DDX20: variants seen among roughly 807,000 people sequenced by gnomAD.
DDX20 encodes probable ATP-dependent RNA helicase DDX20.
In DDX20, 61 loss-of-function variants were observed where a neutral mutation model predicts 76.4. That is an observed-to-expected ratio of 0.80 (90% CI 0.65 to 0.99). The LOEUF is 0.99. Among genes scored for constraint, DDX20 ranks in the 50% least tolerant of loss-of-function variants. DDX20 has a pLI of 0.00. For missense variants in DDX20, 976 were observed against 996.8 expected, an observed-to-expected ratio of 0.98 and a Z score of 0.28; for synonymous variants, 357 against 357.4, an observed-to-expected ratio of 1.00 and a Z score of 0.01.
At chr1:111,756,816 C>CTGAGGAGCTA in intron 2 of DDX20, 76 bp downstream of exon 2, 3 of 1,224,732 alleles carry the variant, frequency 2.4e-6, no homozygotes, top group Non-Finnish European at 3.6e-6. Flanking sequence ...ACCAGTAGCT[C>CTGAGGAGCTA]CTCAGAGCTG....
chr1:111,758,334 T>C (rs1240620506), intron 2 of DDX20, among the ~76,000 whole-genome samples: 1 of 151,386 alleles, frequency 6.6e-6, no homozygotes, highest in Non-Finnish European at 1.5e-5. Context: ...TTAACAGTTT[T>C]GGCATGTTTT....
rs1409355793 is a variant in DDX20 at position 111,767,145 on chromosome 1, T to C, written c.*246T>C. The C allele has an allele frequency of 1.7e-4, 55 of 324,318 alleles. 2 individuals are homozygous for C. The East Asian group carries it at 2.8e-3, about 16-fold the overall frequency. The allele number at this position is 324,318 out of a possible 1,614,324, so 20.1% of individuals were successfully genotyped here. ...TTGTTGAAAGATAATTTTTGGGACATAGAGCTGAAAGTTTCAGGGTGCCAT... is the reference window on the plus strand; with the variant it reads ...TTGTTGAAAGATAATTTTTGGGACACAGAGCTGAAAGTTTCAGGGTGCCAT... On this transcript the variant is annotated 3_prime_UTR_variant, in exon 11 of 11. Coordinates refer to ENST00000369702, the MANE Select transcript of DDX20 (RefSeq NM_007204.5).
Position 111,762,267 on chromosome 1 carries a change from A to G in DDX20, c.1034A>G (p.Gln345Arg), listed in dbSNP as rs1436856849. 1.2e-6 allele frequency: 2 copies of G among 1,612,634 alleles called. No individual in the cohort carries two copies. The highest frequency in any genetic ancestry group is 2.7e-5 in the African/African-American group (2 of 74,880). Residue 345 changes from glutamine to arginine, a missense_variant, in exon 8 of 11, where the codon CAG becomes CGG. This residue lies in a region of DDX20 where 630 missense variants were observed against 693.7 expected (regional missense o/e 0.91). Transcript: ENST00000369702. ...PAECISGNMN[Q>R]NQRLDAMAKL... ...GGGGTCCTTTTAGGCAATATGAATCAGAATCAGCGTCTTGATGCTATGGCT... is the reference window on the plus strand; with the variant it reads ...GGGGTCCTTTTAGGCAATATGAATCGGAATCAGCGTCTTGATGCTATGGCT...
Position 111,767,103 on chromosome 1 carries a change from T to TA in DDX20, c.*206dup, listed in dbSNP as rs1183549192. ...TTATCTTCATTTTTAAGAGTTTCTT[T>TA]AAGAAACTTCATCAGATTGTTGAAA... On this transcript the variant is annotated 3_prime_UTR_variant, in exon 11 of 11. Transcript: ENST00000369702. 2 of 401,634 alleles carry TA rather than the reference T, an allele frequency of 5.0e-6. No homozygotes were observed. Among genetic ancestry groups the TA allele is most frequent in the African/African-American group, 4.1e-5 (2 of 48,714 alleles). The allele number at this position is 401,634 out of a possible 1,614,324, so 24.9% of individuals were successfully genotyped here.
At position 111,759,430 on chromosome 1, in the gene DDX20, G is replaced by C; in HGVS notation, c.427G>C (p.Ala143Pro). 6.2e-7 allele frequency: 1 copy of C among 1,609,238 alleles called. No individual in the cohort carries two copies. Among genetic ancestry groups the C allele is most frequent in the Non-Finnish European group, 8.5e-7 (1 of 1,178,338 alleles). The change falls in exon 3 of 11, where the codon GCT becomes CCT. Residue 143 changes from alanine to proline, a missense_variant. Physicochemically the swap from Ala to Pro is conservative, Grantham distance 27. This residue lies in a region of DDX20 where 343 missense variants were observed against 286.4 expected (regional missense o/e 1.20). Coordinates refer to ENST00000369702, the MANE Select transcript of DDX20 (RefSeq NM_007204.5). ...GATCTTGGCTCCTACAAGAGAAATT[G>C]CTGTACAGATACATTCTGTTATTAC... ...ILILAPTREI[A>P]VQIHSVITAI...
At position 111,766,111 on chromosome 1, in the gene DDX20, C is replaced by G; in HGVS notation, c.1687C>G (p.Gln563Glu). 1 of 1,614,154 alleles carries G rather than the reference C, an allele frequency of 6.2e-7. No individual in the cohort carries two copies. Among genetic ancestry groups the G allele is most frequent in the Middle Eastern group, 1.6e-4 (1 of 6,062 alleles). The change falls in exon 11 of 11, where the codon CAG (glutamine) becomes GAG (glutamate). Residue 563 changes from glutamine (Q) to glutamate (E), a missense_variant. By Grantham distance (29) the Gln-to-Glu change is conservative (BLOSUM62 2). This residue lies in a region of DDX20 where 630 missense variants were observed against 693.7 expected (regional missense o/e 0.91). Coordinates refer to ENST00000369702, the MANE Select transcript of DDX20 (RefSeq NM_007204.5). ...PVENSTNSQH[Q>E]VKEALPVSLP... is the part of the protein sequence containing the mutation. The stretch of plus-strand genomic sequence containing the variant: ...TGAAAACTCCACCAACAGTCAGCAC[C>G]AGGTCAAAGAAGCTTTACCTGTGTC...
At position 111,756,757 on chromosome 1, in the gene DDX20, GACCA is replaced by G. The variant is rs1161153993; in HGVS notation, c.396+18_396+21del. 1 of 1,594,432 alleles carries G rather than the reference GACCA, an allele frequency of 6.3e-7. No homozygotes were observed. The highest frequency in any genetic ancestry group is 1.3e-5 in the African/African-American group (1 of 74,634). On this transcript the variant is annotated intron_variant, in intron 2 of 10. Transcript: ENST00000369702. ...AGTACCCAGGTGAGTTAGCTGAGAG[GACCA>G]GAGGAGGATGTGTTTTGTGGACTTT... is the stretch of plus-strand genomic sequence containing the variant.
In DDX20 at chr1:111,767,298, G is replaced by A. The variant is rs1188858847; in HGVS notation, c.*399G>A. 1 of 159,640 alleles carries A rather than the reference G, an allele frequency of 6.3e-6. No individual in the cohort carries two copies. Among genetic ancestry groups the A allele is most frequent in the African/African-American group, 2.4e-5 (1 of 41,508 alleles). 9.9% of individuals were successfully genotyped at this position (159,640 alleles called of 1,614,324 possible). A position where few individuals can be genotyped will look rare whatever the true frequency, so the allele number is the denominator to read the frequency against. On this transcript the variant is annotated 3_prime_UTR_variant, in exon 11 of 11. Coordinates refer to ENST00000369702, the MANE Select transcript of DDX20 (RefSeq NM_007204.5). ...TGTGGAGTTCTTTACAAAGGGCTTA[G>A]GCTGCATTTCCTTCTATAGAGGTGC...
chr1:111,756,633 T>C lies in DDX20; in HGVS notation c.302-13T>C. ...GAGTACTGGCTAGTGATAATTGTTT[T>C]TTTCCTTCGCAGATTTAATTGTTCA... is the stretch of plus-strand genomic sequence containing the variant. On this transcript the variant is annotated splice_polypyrimidine_tract_variant and intron_variant, in intron 1 of 10. Coordinates refer to ENST00000369702, the MANE Select transcript of DDX20 (RefSeq NM_007204.5). The C allele has an allele frequency of 6.2e-7, 1 of 1,613,480 alleles. No individual in the cohort carries two copies. The highest frequency in any genetic ancestry group is 1.1e-5 in the South Asian group (1 of 91,060).
rs772912179 is a variant in DDX20 at position 111,766,475 on chromosome 1, ACT to A, written c.2054_2055del (p.Ser685Ter). ...GGCTCTTCTGATAATCAGCTGAAAG[ACT>A]CTGAATCTACGCCTGTGGATGATCG... On this transcript the variant is annotated frameshift_variant, in exon 11 of 11. Transcript: ENST00000369702. LOFTEE classifies it high-confidence loss of function. The A allele has an allele frequency of 2.5e-6, 4 of 1,613,966 alleles. No homozygotes were observed. The highest frequency in any genetic ancestry group is 1.7e-5 in the Admixed American group (1 of 59,998).
intron 2 of DDX20, among the ~76,000 whole-genome samples, chr1:111,758,297 A>C (rs1557920904): frequency 6.6e-6 from 1 of 151,990 alleles, no homozygotes; most frequent in Admixed American, 6.5e-5. Flanking sequence ...AAAATCTGTA[A>C]TCTTACTACC....
chr1:111,756,684 T>C lies in DDX20; in HGVS notation c.340T>C (p.Cys114Arg). The part of the protein sequence containing the change: ...VQAKSGTGKT[C>R]VFSTIALDSL... Reference sequence around the variant, plus strand: ...AGCTAAATCTGGCACCGGGAAAACCTGTGTGTTCTCCACCATAGCTTTGGA... The same window carrying C: ...AGCTAAATCTGGCACCGGGAAAACCCGTGTGTTCTCCACCATAGCTTTGGA... Residue 114 changes from cysteine to arginine, a missense_variant, in exon 2 of 11, where the codon TGT becomes CGT. Coordinates refer to ENST00000369702, the MANE Select transcript of DDX20 (RefSeq NM_007204.5). 6.2e-7 allele frequency: 1 copy of C among 1,614,186 alleles called. No homozygotes were observed. The highest frequency in any genetic ancestry group is 8.5e-7 in the Non-Finnish European group (1 of 1,180,004).
At chr1:111,763,147 C>T (rs1362112952) in intron 10 of DDX20, 140 bp downstream of exon 10, 7 of 658,152 alleles carry the variant, frequency 1.1e-5, no homozygotes, top group African/African-American at 3.6e-5. Flanking sequence ...TCATTTACTT[C>T]TCACCACACT....
Position 111,760,810 on chromosome 1 carries a change from C to T in DDX20, c.785C>T (p.Thr262Ile), listed in dbSNP as rs1663657882. 6.2e-7 allele frequency: 1 copy of T among 1,613,520 alleles called. No individual in the cohort carries two copies. The highest frequency in any genetic ancestry group is 1.7e-5 in the Admixed American group (1 of 59,922). Residue 262 changes from threonine (T) to isoleucine (I), a missense_variant, in exon 5 of 11, where the codon ACT becomes ATT. Transcript: ENST00000369702. ...TTGACAAAGTACATGAGAGATCCCACTTTTGTAAGACTGAATTCCAGTGAT... is the reference window on the plus strand; with the variant it reads ...TTGACAAAGTACATGAGAGATCCCATTTTTGTAAGACTGAATTCCAGTGAT... Reference protein sequence around the residue: ...NALTKYMRDPTFVRLNSSDPS... With the variant: ...NALTKYMRDPIFVRLNSSDPS...
At position 111,767,517 on chromosome 1, in the gene DDX20, CTT is replaced by C. The variant is rs1663807230; in HGVS notation, c.*621_*622del. On this transcript the variant is annotated 3_prime_UTR_variant, in exon 11 of 11. Coordinates refer to ENST00000369702, the MANE Select transcript of DDX20 (RefSeq NM_007204.5). ...TGTTTGTTGTTTATCTTTTGAATGTCTTTTGAGGCTGTGAAAGCTGTCCACAT... is the reference window on the plus strand; with the variant it reads ...TGTTTGTTGTTTATCTTTTGAATGTCTTGAGGCTGTGAAAGCTGTCCACAT... 6.6e-6 allele frequency: 1 copy of C among 152,248 alleles called. No homozygotes were observed. Among genetic ancestry groups the C allele is most frequent in the East Asian group, 1.9e-4 (1 of 5,180 alleles). 9.4% of individuals were successfully genotyped at this position (152,248 alleles called of 1,614,324 possible).
At chr1:111,762,022 G>A in intron 7 of DDX20, 2 of 429,818 alleles carry the variant, frequency 4.7e-6, no homozygotes, top group Non-Finnish European at 8.3e-6. Flanking sequence ...TTCAGGCATG[G>A]CCTGATCACT....
chr1:111,758,009 A>G (rs1226465459), intron 2 of DDX20, among the ~76,000 whole-genome samples: 1 of 150,216 alleles, frequency 6.7e-6, no homozygotes, highest in Non-Finnish European at 1.5e-5. Context: ...TGTGCACACC[A>G]CACGCCCGGC....
intron 1 of DDX20, among the ~76,000 whole-genome samples, 180 bp downstream of exon 1, chr1:111,756,405 A>G (rs1414980144): frequency 1.3e-5 from 2 of 152,244 alleles, no homozygotes. Context: ...AACGTGCACT[A>G]TTGAACTTGA....
At chr1:111,763,855 T>A (rs1186888114) in intron 10 of DDX20, among the ~76,000 whole-genome samples, 1 of 152,160 alleles carries the variant, frequency 6.6e-6, no homozygotes, top group Non-Finnish European at 1.5e-5. Context: ...ACAACGCATG[T>A]TTAAAACTAG....
Sources: allele counts gnomAD v4.1 joint callset (sites outside exome capture counted in the v4.1 genomes callset), GRCh38; gene constraint gnomAD v4.1.1; regional missense constraint gnomAD v4.1.1; transcripts MANE v1.5; gene names NCBI Gene and HGNC (gene_info 2026-07-23, HGNC 2026-07-21).